LIN7A: variants seen among roughly 807,000 people sequenced by gnomAD.
LIN7A encodes lin-7 cell polarity scaffold A.
LIN7A carries 25 observed loss-of-function variants against 29.8 expected under a neutral mutation model. That is an observed-to-expected ratio of 0.84 (90% CI 0.61 to 1.17). LIN7A has a LOEUF of 1.17. LIN7A is among the 50% of genes most tolerant of loss of function. The pLI, the probability that LIN7A is intolerant of heterozygous loss-of-function variation, is 0.00. For missense variants in LIN7A, 239 were observed against 287.0 expected (o/e 0.83, Z 1.21); for synonymous variants, 118 against 107.5 (o/e 1.10, Z -0.60).
intron 1 of LIN7A, among the ~76,000 whole-genome samples, chr12:80,926,497 A>G (rs1424847262): frequency 6.6e-6 from 1 of 152,208 alleles, no homozygotes; most frequent in Non-Finnish European, 1.5e-5. Flanking sequence ...CAAATTCACT[A>G]ATATTATCTA....
At chr12:80,931,057 T>C (rs1410642759) in intron 1 of LIN7A, among the ~76,000 whole-genome samples, 10 of 152,212 alleles carry the variant, frequency 6.6e-5, no homozygotes, top group Non-Finnish European at 1.5e-4. Context: ...AAAGAGATAC[T>C]GGCATTGTGC....
chr12:80,927,611 A>G lies in LIN7A; in HGVS notation c.82+10030T>C, dbSNP rs758735894. On this transcript the variant is annotated intron_variant, in intron 1 of 5. Transcript: ENST00000552864. ...AGCTGGCATTTAGCTCCTGGGAACTAAGGATACCAAACCTCTTATATGACA... is the reference window on the plus strand; with the variant it reads ...AGCTGGCATTTAGCTCCTGGGAACTGAGGATACCAAACCTCTTATATGACA... 3.3e-5 allele frequency among the ~76,000 whole-genome samples: 5 copies of G among 152,318 alleles called. No homozygotes were observed. In the South Asian group the frequency reaches 1.0e-3, roughly 32 times the overall value.
Position 80,796,599 on chromosome 12 carries a change from A to G in LIN7A, c.*1128T>C, listed in dbSNP as rs145312336. The G allele has an allele frequency of 1.3e-5, 2 of 152,254 alleles. No homozygotes were observed. Among genetic ancestry groups the G allele is most frequent in the African/African-American group, 4.8e-5 (2 of 41,576 alleles). The allele number at this position is 152,254 out of a possible 1,614,324, so 9.4% of individuals were successfully genotyped here. On this transcript the variant is annotated 3_prime_UTR_variant, in exon 6 of 6. Transcript: ENST00000552864. ...GATATCACTGGTTTCCACCTGCCCA[A>G]TTATAAGAGAAATAATACTTGTTTA...
intron 4 of LIN7A, among the ~76,000 whole-genome samples, chr12:80,817,924 T>C (rs1871608855): frequency 6.6e-6 from 1 of 152,074 alleles, no homozygotes; most frequent in African/African-American, 2.4e-5. Flanking sequence ...TAGGAACTAA[T>C]GGCAAGAAAA....
Position 80,845,940 on chromosome 12 carries a change from C to T in LIN7A, c.274-1G>A, listed in dbSNP as rs750304433. 6.5e-7 allele frequency: 1 copy of T among 1,527,854 alleles called. No individual in the cohort carries two copies. The highest frequency in any genetic ancestry group is 8.7e-7 in the Non-Finnish European group (1 of 1,143,592). 94.6% of individuals were successfully genotyped at this position (1,527,854 alleles called of 1,614,324 possible). A position where few individuals can be genotyped will look rare whatever the true frequency, so the allele number is the denominator to read the frequency against. ...TAGCTGCAAAAGCTGCAACTGTTGC[C>T]TGAAAAAAAAAAAAAAAGATGGTCT... On this transcript the variant is annotated splice_acceptor_variant, in intron 3 of 5. Transcript: ENST00000552864. LOFTEE classifies it high-confidence loss of function.
intron 1 of LIN7A, among the ~76,000 whole-genome samples, chr12:80,930,818 G>A (rs1159966759): frequency 6.6e-6 from 1 of 152,048 alleles, no homozygotes; most frequent in African/African-American, 2.4e-5. Context: ...TAGGTTAGAA[G>A]GCTTTTGTTT....
At chr12:80,818,804 C>G (rs1464799187) in intron 4 of LIN7A, among the ~76,000 whole-genome samples, 1 of 152,098 alleles carries the variant, frequency 6.6e-6, no homozygotes, top group African/African-American at 2.4e-5. Context: ...TACTCTAAAC[C>G]CAAATAGAAC....
chr12:80,933,052 A>T (rs536785801), intron 1 of LIN7A, among the ~76,000 whole-genome samples: 11 of 152,318 alleles, frequency 7.2e-5, no homozygotes, highest in Admixed American at 7.2e-4. Context: ...TTTCTATACC[A>T]CTGTCTAACA....
At chr12:80,868,437 G>A (rs992521655) in intron 2 of LIN7A, among the ~76,000 whole-genome samples, 11 of 152,134 alleles carry the variant, frequency 7.2e-5, no homozygotes, top group Admixed American at 4.6e-4. Context: ...GTGTGATGGC[G>A]CATGCCTGTG....
intron 2 of LIN7A, among the ~76,000 whole-genome samples, chr12:80,852,033 A>G (rs1873359213): frequency 6.6e-6 from 1 of 152,202 alleles, no homozygotes; most frequent in Non-Finnish European, 1.5e-5. Context: ...GAGCAATTCT[A>G]GTCAATGTAT....
intron 4 of LIN7A, among the ~76,000 whole-genome samples, chr12:80,822,085 A>G (rs550781592): frequency 1.3e-5 from 2 of 152,324 alleles, no homozygotes; most frequent in African/African-American, 4.8e-5. Context: ...GGTAGTTTAT[A>G]AAGGAAAGAG....
At chr12:80,907,053 C>CTGTGTGTGTGTGTGTGTGTGTGTGTGTG in intron 1 of LIN7A, among the ~76,000 whole-genome samples, 1 of 132,950 alleles carries the variant, frequency 7.5e-6, no homozygotes, top group Non-Finnish European at 1.6e-5. Context: ...AGAGTGCGTG[C>CTGTGTGTGTGTGTGTGTGTGTGTGTGTG]TCTGTGTGTG....
intron 1 of LIN7A, among the ~76,000 whole-genome samples, chr12:80,908,394 G>C (rs955072732): frequency 1.3e-5 from 2 of 151,810 alleles, no homozygotes; most frequent in Non-Finnish European, 2.9e-5. Flanking sequence ...TTTGATCCAG[G>C]GGAAAGAGTC....
chr12:80,811,397 A>G, intron 5 of LIN7A, 68 bp downstream of exon 5: 1 of 616,914 alleles, frequency 1.6e-6, no homozygotes. Flanking sequence ...AAGTATATTC[A>G]TATATACATA....
chr12:80,807,066 T>TTTTTTTTTTTTTTG (rs1871034961), intron 5 of LIN7A, among the ~76,000 whole-genome samples: 1 of 50,140 alleles, frequency 2.0e-5, no homozygotes, highest in Admixed American at 2.2e-4. Context: ...AGATGGAGTT[T>TTTTTTTTTTTTTTG]TTTTTTTTTT....
At chr12:80,856,185 C>T (rs1325017287) in intron 2 of LIN7A, among the ~76,000 whole-genome samples, 3 of 152,128 alleles carry the variant, frequency 2.0e-5, no homozygotes, top group East Asian at 1.9e-4. Context: ...AGGCTCAAAT[C>T]GACCCAGTGA....
At chr12:80,892,950 A>C (rs766738722) in intron 1 of LIN7A, among the ~76,000 whole-genome samples, 4 of 152,208 alleles carry the variant, frequency 2.6e-5, no homozygotes, top group Non-Finnish European at 4.4e-5. Context: ...AATCACCCAG[A>C]AAAGCTTATT....
intron 1 of LIN7A, among the ~76,000 whole-genome samples, chr12:80,921,199 C>T (rs1877283188): frequency 6.6e-6 from 1 of 151,942 alleles, no homozygotes; most frequent in South Asian, 2.1e-4. Flanking sequence ...CCTCTAAGAA[C>T]CAGGAAAAAC....
intron 1 of LIN7A, among the ~76,000 whole-genome samples, chr12:80,912,139 A>T (rs950036515): frequency 6.6e-6 from 1 of 152,226 alleles, no homozygotes; most frequent in Non-Finnish European, 1.5e-5. Flanking sequence ...ATGCTGGTTT[A>T]TCAAGCACCA....
Sources: gnomAD v4.1 joint callset for allele counts (sites outside exome capture counted in the v4.1 genomes callset) on GRCh38, gnomAD v4.1.1 for gene constraint, MANE v1.5 for transcripts, NCBI Gene and HGNC (gene_info 2026-07-23, HGNC 2026-07-21) for gene names.